Variants in GRM7 observed in about 807,000 individuals in gnomAD.
GRM7 encodes the protein glutamate metabotropic receptor 7, also known as metabotropic glutamate receptor 7.
A neutral mutation model predicts 84.5 loss-of-function variants in GRM7; 35 were observed. That is an observed-to-expected ratio of 0.41 (90% CI 0.32 to 0.55). The LOEUF is 0.55. Ranked by LOEUF, GRM7 falls within the 20% of genes least tolerant of loss-of-function variation. The pLI, the probability that GRM7 is intolerant of heterozygous loss-of-function variation, is 0.19. For synonymous variants in GRM7, 487 were observed against 455.1 expected, an observed-to-expected ratio of 1.07 and a Z score of -0.89; for missense variants, 1,003 against 1,194.6, an observed-to-expected ratio of 0.84 and a Z score of 2.36.
chr3:7,265,069 G>A, intron 2 of GRM7, among the ~76,000 whole-genome samples: 1 of 152,220 alleles, frequency 6.6e-6, no homozygotes, highest in South Asian at 2.1e-4. Context: ...CACATTTTCT[G>A]TGCAAAGAGG....
At chr3:7,448,940 C>T (rs1215245158) in intron 5 of GRM7, among the ~76,000 whole-genome samples, 1 of 151,674 alleles carries the variant, frequency 6.6e-6, no homozygotes, top group African/African-American at 2.4e-5. Flanking sequence ...GGTCGAAATG[C>T]CTCCGAGATT....
At chr3:7,338,115 TACACACAC>T (rs141499269) in intron 4 of GRM7, among the ~76,000 whole-genome samples, 3,711 of 146,920 alleles carry the variant, frequency 0.025, 81 homozygotes, top group African/African-American at 0.058. Context: ...TATATTTATG[TACACACAC>T]ACACACACAC....
In GRM7 at chr3:7,666,648, G is replaced by A. The variant is rs553487347; in HGVS notation, c.2452-13401G>A. Among the ~76,000 whole-genome samples the A allele has an allele frequency of 6.6e-5, 10 of 152,260 alleles. No homozygotes were observed. The South Asian group carries it at 2.1e-3, about 32-fold the overall frequency. Reference sequence around the variant, plus strand: ...AAAAATGGTAGCCACTGGTCTTTGTGCTTTAGGTGTTATTAACTGGTTAAA... The same window carrying A: ...AAAAATGGTAGCCACTGGTCTTTGTACTTTAGGTGTTATTAACTGGTTAAA... On this transcript the variant is annotated intron_variant, in intron 8 of 9. Coordinates refer to ENST00000357716, the MANE Select transcript of GRM7 (RefSeq NM_000844.4).
intron 1 of GRM7, among the ~76,000 whole-genome samples, chr3:7,100,463 A>G (rs1699070925): frequency 6.6e-6 from 1 of 151,794 alleles, no homozygotes; most frequent in Admixed American, 6.6e-5. Context: ...AAAAACAAAA[A>G]TTGGATAGTT....
chr3:7,005,145 GT>G, intron 1 of GRM7, among the ~76,000 whole-genome samples: 1 of 152,312 alleles, frequency 6.6e-6, no homozygotes, highest in East Asian at 1.9e-4. Context: ...ACGCGTCAAG[GT>G]GGAGCAGCAG....
intron 1 of GRM7, among the ~76,000 whole-genome samples, chr3:6,949,304 T>G (rs1224778198): frequency 6.6e-6 from 1 of 152,208 alleles, no homozygotes; most frequent in African/African-American, 2.4e-5. Flanking sequence ...TTATTTTTCC[T>G]TCATTTATGA....
At chr3:7,427,274 A>G (rs1267182834) in intron 5 of GRM7, among the ~76,000 whole-genome samples, 1 of 152,222 alleles carries the variant, frequency 6.6e-6, no homozygotes, top group Non-Finnish European at 1.5e-5. Flanking sequence ...TAAGAAATGT[A>G]TTGGTCTCTC....
intron 1 of GRM7, chr3:6,893,837 C>T (rs1696065614): frequency 6.6e-6 from 1 of 152,114 alleles, no homozygotes; most frequent in Admixed American, 6.6e-5. Context: ...TTTTTATCCC[C>T]ACATCCTGAA....
chr3:7,527,518 T>C (rs868789741), intron 7 of GRM7, among the ~76,000 whole-genome samples: 29 of 152,044 alleles, frequency 1.9e-4, no homozygotes, highest in South Asian at 4.1e-4. Context: ...GCCTTTTATT[T>C]CTTTGTATTG....
chr3:6,887,992 C>CATTTT (rs1559307998), intron 1 of GRM7, among the ~76,000 whole-genome samples: 1 of 152,166 alleles, frequency 6.6e-6, no homozygotes, highest in Admixed American at 6.5e-5. Context: ...TGATGGTGAG[C>CATTTT]ATTTTTTCAT....
intron 1 of GRM7, among the ~76,000 whole-genome samples, chr3:7,085,742 C>T (rs961697210): frequency 6.6e-5 from 10 of 151,990 alleles, no homozygotes; most frequent in East Asian, 5.8e-4. Context: ...AAGCCTTTTG[C>T]TGGTGAAATG....
At chr3:6,881,236 A>G (rs959473378) in intron 1 of GRM7, among the ~76,000 whole-genome samples, 2 of 152,106 alleles carry the variant, frequency 1.3e-5, no homozygotes, top group South Asian at 2.1e-4. Flanking sequence ...TCAACCCATT[A>G]CATAGGTATT....
intron 5 of GRM7, among the ~76,000 whole-genome samples, chr3:7,418,291 G>T (rs1365560556): frequency 6.6e-6 from 1 of 152,128 alleles, no homozygotes. Flanking sequence ...ATATAGATCA[G>T]GCATTCGCAG....
intron 7 of GRM7, among the ~76,000 whole-genome samples, chr3:7,576,274 T>C (rs1010625647): frequency 6.6e-5 from 10 of 152,220 alleles, no homozygotes; most frequent in Non-Finnish European, 1.3e-4. Flanking sequence ...AGTGACTTAT[T>C]GTCTCAAAAA....
At chr3:6,869,530 C>T (rs182936704) in intron 1 of GRM7, among the ~76,000 whole-genome samples, 38 of 137,916 alleles carry the variant, frequency 2.8e-4, no homozygotes, top group African/African-American at 1.0e-3. Flanking sequence ...TCTGTTTCTT[C>T]TGCTGAATTG....
At chr3:7,000,517 T>C (rs1414083044) in intron 1 of GRM7, among the ~76,000 whole-genome samples, 1 of 152,144 alleles carries the variant, frequency 6.6e-6, no homozygotes, top group Non-Finnish European at 1.5e-5. Context: ...AAGCACATTC[T>C]GAGGTTTCAA....
At chr3:7,030,755 C>A (rs1574810802) in intron 1 of GRM7, among the ~76,000 whole-genome samples, 1 of 151,930 alleles carries the variant, frequency 6.6e-6, no homozygotes, top group African/African-American at 2.4e-5. Flanking sequence ...TCCTTGCAGT[C>A]GTATTGAAAT....
At chr3:7,698,398 T>C (rs765401645) in intron 9 of GRM7, among the ~76,000 whole-genome samples, 21 of 152,228 alleles carry the variant, frequency 1.4e-4, no homozygotes, top group Non-Finnish European at 2.5e-4. Context: ...CTGTATGTGA[T>C]AGACATCATT....
At chr3:7,544,920 GCCCCC>G (rs1693069908) in intron 7 of GRM7, among the ~76,000 whole-genome samples, 1 of 152,124 alleles carries the variant, frequency 6.6e-6, no homozygotes, top group South Asian at 2.1e-4. Flanking sequence ...ATCAATTTTT[GCCCCC>G]TTAGGGGCAT....
Sources: allele counts gnomAD v4.1 joint callset (sites outside exome capture counted in the v4.1 genomes callset), GRCh38; gene constraint gnomAD v4.1.1; transcripts MANE v1.5; gene names NCBI Gene and HGNC (gene_info 2026-07-23, HGNC 2026-07-21).